NRG1: variants seen among roughly 807,000 people sequenced by gnomAD.
NRG1 encodes neuregulin 1.
A neutral mutation model predicts 63.8 loss-of-function variants in NRG1; 18 were observed. The ratio of observed to expected loss-of-function variants is 0.28; its 90% CI spans 0.19 to 0.42. NRG1 has a LOEUF of 0.42. NRG1 is among the 10% of genes least tolerant of loss of function. NRG1 has a pLI of 1.00. For missense variants in NRG1, 762 were observed against 814.7 expected (o/e 0.94, Z 0.79); for synonymous variants, 302 against 301.3 (o/e 1.00, Z -0.02).
At chr8:32,759,328 T>C in exon 10 of NRG1, 2 of 1,613,708 alleles carry the variant, frequency 1.2e-6, no homozygotes. Flanking sequence ...AAAAACGTCA[T>C]CTCCAGTGAG....
chr8:31,640,047 C>A lies in NRG1; in HGVS notation c.37+616C>A. ...CCGGCCCCCGGGCCCAGCGCCCCGG[C>A]TCCGCCGCCCGCTCGTCGCCGCCGC... On this transcript the variant is annotated intron_variant, in intron 1 of 10. Coordinates refer to the NRG1 transcript ENST00000519301. The surrounding 1 kb of genome is among the most constrained non-coding windows in gnomAD (Gnocchi z 6.3). 1 of 1,142,908 alleles carries A rather than the reference C, an allele frequency of 8.7e-7. No individual in the cohort carries two copies. The highest frequency in any genetic ancestry group is 1.1e-6 in the Non-Finnish European group (1 of 932,736). The allele number at this position is 1,142,908 out of a possible 1,614,324, so 70.8% of individuals were successfully genotyped here.
At chr8:32,545,487 A>T (rs1321310161), upstream of NRG1, among the ~76,000 whole-genome samples, 6 of 149,782 alleles carry the variant, frequency 4.0e-5, no homozygotes, top group Admixed American at 6.6e-5. Flanking sequence ...TTTTTTTTTT[A>T]AAGCAAAAAT....
chr8:32,217,841 T>A (rs1845404831), intron 1 of NRG1, among the ~76,000 whole-genome samples: 2 of 152,172 alleles, frequency 1.3e-5, no homozygotes, highest in African/African-American at 4.8e-5. Context: ...GAAGTTTCAT[T>A]CTAGCTTACC....
chr8:31,888,077 A>G (rs1349977667), intron 1 of NRG1, among the ~76,000 whole-genome samples: 2 of 151,868 alleles, frequency 1.3e-5, no homozygotes, highest in African/African-American at 2.4e-5. Context: ...TGTCTTACAT[A>G]TCAATATTAT....
intron 5 of NRG1, among the ~76,000 whole-genome samples, chr8:32,685,615 A>ACACATGTATAGT (rs1295443759): frequency 6.6e-6 from 1 of 152,208 alleles, no homozygotes; most frequent in Non-Finnish European, 1.5e-5. Flanking sequence ...ACTAGTCTCA[A>ACACATGTATAGT]GTGTCTAACG....
At chr8:32,353,483 A>G (rs1563349693) in intron 1 of NRG1, among the ~76,000 whole-genome samples, 1 of 152,112 alleles carries the variant, frequency 6.6e-6, no homozygotes, top group East Asian at 1.9e-4. Context: ...TAATTAATAT[A>G]AAGAAGATAA....
intron 5 of NRG1, among the ~76,000 whole-genome samples, chr8:32,618,339 C>T (rs1847746142): frequency 6.6e-6 from 1 of 152,046 alleles, no homozygotes; most frequent in Admixed American, 6.6e-5. Flanking sequence ...ACCCTTCATG[C>T]TATCATCAAT....
intron 1 of NRG1, among the ~76,000 whole-genome samples, chr8:32,235,890 A>G (rs890198806): frequency 2.0e-5 from 3 of 152,312 alleles, no homozygotes. Flanking sequence ...TAGTTGAAGA[A>G]CAGATAACTG....
At chr8:31,945,087 G>A (rs1049311888) in intron 1 of NRG1, among the ~76,000 whole-genome samples, 9 of 152,042 alleles carry the variant, frequency 5.9e-5, no homozygotes, top group Admixed American at 5.3e-4. Context: ...ATTCCCTGAG[G>A]CCCTTTTTGC....
intron 1 of NRG1, among the ~76,000 whole-genome samples, chr8:31,964,234 G>A (rs1044873101): frequency 1.3e-5 from 2 of 152,214 alleles, no homozygotes; most frequent in African/African-American, 4.8e-5. Context: ...GAATAATGTT[G>A]TGAAACAGAC....
intron 1 of NRG1, among the ~76,000 whole-genome samples, chr8:31,691,991 C>T (rs910055163): frequency 1.3e-5 from 2 of 152,118 alleles, no homozygotes; most frequent in Admixed American, 6.5e-5. Context: ...CACTACCACA[C>T]TCAGCTAATT....
chr8:32,235,264 G>A (rs918799997), intron 1 of NRG1, among the ~76,000 whole-genome samples: 2 of 145,926 alleles, frequency 1.4e-5, no homozygotes, highest in East Asian at 2.0e-4. Context: ...AAAAAGAGCC[G>A]GGCATGAACC....
intron 1 of NRG1, among the ~76,000 whole-genome samples, chr8:32,132,746 A>G (rs1835002371): frequency 6.6e-6 from 1 of 152,082 alleles, no homozygotes; most frequent in South Asian, 2.1e-4. Flanking sequence ...ACAGAATATG[A>G]TGTTTAAATC....
In NRG1 at chr8:31,838,123, G is replaced by T. The variant is rs146772312; in HGVS notation, c.37+198692G>T. On this transcript the variant is annotated intron_variant, in intron 1 of 10. Transcript: ENST00000519301. ...GGAGTTCCCTTTCCTTTACATCCTCGCCAGCATAATAACGATTTTAATATA... is the reference window on the plus strand; with the variant it reads ...GGAGTTCCCTTTCCTTTACATCCTCTCCAGCATAATAACGATTTTAATATA... Among the ~76,000 whole-genome samples, 70 of 151,910 alleles carry T rather than the reference G, an allele frequency of 4.6e-4. No homozygotes were observed. The East Asian group carries it at 0.013, about 27-fold the overall frequency.
At chr8:32,367,409 T>A (rs906814822) in intron 1 of NRG1, among the ~76,000 whole-genome samples, 2 of 152,038 alleles carry the variant, frequency 1.3e-5, no homozygotes, top group African/African-American at 4.8e-5. Flanking sequence ...TGTTGAACTT[T>A]TTTTTTTTTC....
chr8:31,765,122 G>A (rs916383006), intron 1 of NRG1, among the ~76,000 whole-genome samples: 1 of 151,136 alleles, frequency 6.6e-6, no homozygotes, highest in African/African-American at 2.4e-5. Context: ...TTCAATTTTG[G>A]TGTTCACATA....
intron 1 of NRG1, among the ~76,000 whole-genome samples, chr8:31,999,012 T>C (rs984842632): frequency 6.6e-6 from 1 of 151,974 alleles, no homozygotes; most frequent in African/African-American, 2.4e-5. Flanking sequence ...AGGTTGGGTA[T>C]ACTTCGTAAA....
At chr8:32,225,285 T>G (rs1340776108) in intron 1 of NRG1, among the ~76,000 whole-genome samples, 1 of 152,190 alleles carries the variant, frequency 6.6e-6, no homozygotes, top group Non-Finnish European at 1.5e-5. Context: ...AATATTTCCC[T>G]CATGTCCAGA....
chr8:32,567,808 A>G (rs1238718174), intron 1 of NRG1, among the ~76,000 whole-genome samples: 2 of 152,232 alleles, frequency 1.3e-5, no homozygotes, highest in African/African-American at 4.8e-5. Flanking sequence ...GGTCAACACA[A>G]GCGTCTTTGC....
Sources: gnomAD v4.1 joint callset for allele counts (sites outside exome capture counted in the v4.1 genomes callset) on GRCh38, gnomAD v4.1.1 for gene constraint, Gnocchi (gnomAD v3.1) non-coding constraint, MANE v1.5 for transcripts, NCBI Gene and HGNC (gene_info 2026-07-23, HGNC 2026-07-21) for gene names.